Variants in ABCB5 observed in about 807,000 individuals in gnomAD.
ABCB5 encodes ATP-binding cassette sub-family B member 5.
ABCB5 carries 155 observed loss-of-function variants against 144.2 expected under a neutral mutation model. The ratio of observed to expected loss-of-function variants is 1.08; its 90% CI spans 0.94 to 1.23. The LOEUF is 1.23. Ranked by LOEUF, ABCB5 falls within the 50% of genes most tolerant of loss-of-function variation. ABCB5 has a pLI of 0.00. For missense variants in ABCB5, 1,830 were observed against 1,520.8 expected, an observed-to-expected ratio of 1.20 and a Z score of -3.38; for synonymous variants, 610 against 528.6, an observed-to-expected ratio of 1.15 and a Z score of -2.11.
chr7:20,739,122 C>G lies in ABCB5; in HGVS notation c.3007C>G (p.Gln1003Glu). Reference protein sequence around the residue: ...EKKPNIDSRSQEGKKPDTCEG... With the variant: ...EKKPNIDSRSEEGKKPDTCEG... ...GAAACCAAATATAGACAGCCGCAGT[C>G]AAGAAGGGAAAAAGCCAGTAAGCAC... Residue 1003 changes from glutamine to glutamate, a missense_variant, in exon 24 of 28, where the codon CAA (glutamine) becomes GAA (glutamate). By Grantham distance (29) the Gln-to-Glu change is conservative (BLOSUM62 2). Transcript: ENST00000404938. 1.9e-6 allele frequency: 3 copies of G among 1,601,182 alleles called. No homozygotes were observed. The highest frequency in any genetic ancestry group is 2.6e-6 in the Non-Finnish European group (3 of 1,174,040).
At chr7:20,668,804 G>T (rs1163694412) in intron 14 of ABCB5, among the ~76,000 whole-genome samples, 11 of 134,466 alleles carry the variant, frequency 8.2e-5, no homozygotes, top group Non-Finnish European at 1.4e-4. Flanking sequence ...ACTGGGAAGT[G>T]AGGAGCCCCT....
intron 2 of ABCB5, among the ~76,000 whole-genome samples, chr7:20,623,874 A>G (rs562000467): frequency 2.0e-5 from 3 of 152,300 alleles, no homozygotes; most frequent in African/African-American, 4.8e-5. Flanking sequence ...TGGACATACA[A>G]TCTATAAAAC....
At chr7:20,739,225 G>GT (rs397933160) in intron 24 of ABCB5, 86 bp downstream of exon 24, 2 of 1,382,192 alleles carry the variant, frequency 1.4e-6, no homozygotes, top group Non-Finnish European at 1.9e-6. Context: ...GGAGAGAGGG[G>GT]CAAGGGCTGA....
Position 20,658,675 on chromosome 7 carries a change from A to T in ABCB5, c.1706A>T (p.Lys569Met). Reference sequence around the variant, plus strand: ...TCAGCTGTTCAAGCTGCACTGGAGAAGGTAAGTGAGCAGAAACGTTTCTTA... The same window carrying T: ...TCAGCTGTTCAAGCTGCACTGGAGATGGTAAGTGAGCAGAAACGTTTCTTA... The part of the protein sequence containing the change: ...SKSAVQAALE[K>M]ASKGRTTIVV... Residue 569 changes from lysine (K) to methionine (M), a missense_variant and splice_region_variant, in exon 14 of 28, where the codon AAG becomes ATG. By Grantham distance (95) the Lys-to-Met change is moderately conservative. Coordinates refer to ENST00000404938, the MANE Select transcript of ABCB5 (RefSeq NM_001163941.2). 1 of 1,613,048 alleles carries T rather than the reference A, an allele frequency of 6.2e-7. No individual in the cohort carries two copies. Among genetic ancestry groups the T allele is most frequent in the Non-Finnish European group, 8.5e-7 (1 of 1,179,728 alleles).
At chr7:20,723,816 C>A (rs1383181659) in intron 21 of ABCB5, among the ~76,000 whole-genome samples, 1 of 152,150 alleles carries the variant, frequency 6.6e-6, no homozygotes, top group Non-Finnish European at 1.5e-5. Flanking sequence ...AGGCCATGCA[C>A]TGATATTGAT....
At chr7:20,749,564 A>T (rs1434936261) in intron 26 of ABCB5, among the ~76,000 whole-genome samples, 1 of 151,832 alleles carries the variant, frequency 6.6e-6, no homozygotes, top group Non-Finnish European at 1.5e-5. Flanking sequence ...TAGTCACTCA[A>T]CACACAGCTA....
intron 14 of ABCB5, 38 bp from the exon 15 acceptor site, chr7:20,681,467 C>A: frequency 6.2e-7 from 1 of 1,607,024 alleles, no homozygotes. Context: ...GTTATTTCTA[C>A]TAATGTCTAT....
At chr7:20,751,353 T>C (rs1419239181) in intron 26 of ABCB5, among the ~76,000 whole-genome samples, 1 of 152,142 alleles carries the variant, frequency 6.6e-6, no homozygotes, top group Non-Finnish European at 1.5e-5. Flanking sequence ...GCGCCTGTAG[T>C]TGCAGCTACT....
intron 14 of ABCB5, among the ~76,000 whole-genome samples, chr7:20,677,312 T>G (rs1785648760): frequency 6.6e-6 from 1 of 152,206 alleles, no homozygotes; most frequent in Non-Finnish European, 1.5e-5. Flanking sequence ...TTCTACCTAC[T>G]TTTTGTGACA....
At chr7:20,690,678 A>AG (rs1393906256) in intron 16 of ABCB5, among the ~76,000 whole-genome samples, 1 of 152,180 alleles carries the variant, frequency 6.6e-6, no homozygotes, top group African/African-American at 2.4e-5. Flanking sequence ...GTCTCACTAA[A>AG]GCTGTCAGCG....
intron 23 of ABCB5, among the ~76,000 whole-genome samples, chr7:20,729,379 G>C (rs1782138825): frequency 6.6e-6 from 1 of 152,148 alleles, no homozygotes; most frequent in Non-Finnish European, 1.5e-5. Context: ...CTGTACATCA[G>C]TGAGGATGAA....
chr7:20,619,442 C>T (rs542353680), intron 1 of ABCB5, among the ~76,000 whole-genome samples: 38 of 152,148 alleles, frequency 2.5e-4, no homozygotes, highest in East Asian at 9.6e-4. Context: ...TGATTAGTGA[C>T]GATTAGCATT....
At chr7:20,739,964 G>A (rs2128054558) in intron 24 of ABCB5, among the ~76,000 whole-genome samples, 1 of 152,290 alleles carries the variant, frequency 6.6e-6, no homozygotes, top group Non-Finnish European at 1.5e-5. Context: ...GGGCGTGGTG[G>A]CTCACGCCTG....
chr7:20,736,196 CT>C lies in ABCB5; in HGVS notation c.2868-2778del, dbSNP rs1045318966. On this transcript the variant is annotated intron_variant, in intron 23 of 27. Transcript: ENST00000404938. ...ATCTATTGCTACAGAAGTGTGAGAGCTTTTTTTTTCTTTTTTGTTGTTGTTG... is the reference window on the plus strand; with the variant it reads ...ATCTATTGCTACAGAAGTGTGAGAGCTTTTTTTTCTTTTTTGTTGTTGTTG... 5.3e-5 allele frequency among the ~76,000 whole-genome samples: 8 copies of C among 151,386 alleles called. No homozygotes were observed. The South Asian group carries it at 1.1e-3, about 20-fold the overall frequency.
At chr7:20,695,341 T>C (rs1786371751) in intron 16 of ABCB5, among the ~76,000 whole-genome samples, 1 of 151,802 alleles carries the variant, frequency 6.6e-6, no homozygotes, top group Non-Finnish European at 1.5e-5. Flanking sequence ...CAAAAAATGA[T>C]TCTGGATCAA....
intron 4 of ABCB5, among the ~76,000 whole-genome samples, chr7:20,631,079 T>C (rs1036088836): frequency 1.3e-5 from 2 of 152,156 alleles, no homozygotes; most frequent in Non-Finnish European, 2.9e-5. Flanking sequence ...AAAATATGAA[T>C]AATAGCTATC....
At chr7:20,728,536 T>C (rs942081917) in intron 23 of ABCB5, 81 bp downstream of exon 23, 2 of 1,490,360 alleles carry the variant, frequency 1.3e-6, no homozygotes, top group Admixed American at 4.2e-5. Context: ...GGTGGATCAC[T>C]TGAGGTCAGG....
intron 9 of ABCB5, among the ~76,000 whole-genome samples, chr7:20,646,804 TC>T (rs1429041573): frequency 1.3e-5 from 2 of 152,240 alleles, no homozygotes; most frequent in African/African-American, 4.8e-5. Context: ...AGATTTCTCT[TC>T]TTTCCATTAA....
intron 14 of ABCB5, among the ~76,000 whole-genome samples, chr7:20,675,392 G>A (rs1264520400): frequency 6.6e-6 from 1 of 151,996 alleles, no homozygotes; most frequent in African/African-American, 2.4e-5. Context: ...ACACAATGGG[G>A]AAAGGATGGT....
Sources: gnomAD v4.1 joint callset for allele counts (sites outside exome capture counted in the v4.1 genomes callset) on GRCh38, gnomAD v4.1.1 for gene constraint, MANE v1.5 for transcripts, NCBI Gene and HGNC (gene_info 2026-07-23, HGNC 2026-07-21) for gene names.